CDK13: variants seen among roughly 807,000 people sequenced by gnomAD.
The protein encoded by CDK13 is cyclin dependent kinase 13, also known as cyclin-dependent kinase 13.
CDK13 carries 40 observed loss-of-function variants against 137.6 expected under a neutral mutation model. The ratio of observed to expected loss-of-function variants is 0.29; its 90% CI spans 0.23 to 0.38. The LOEUF (loss-of-function observed/expected upper bound fraction) is 0.38, where lower values mean the gene tolerates loss of function less well. CDK13 is among the 10% of genes least tolerant of loss of function. The pLI, the probability that CDK13 is intolerant of heterozygous loss-of-function variation, is 1.00. For missense variants in CDK13, 1,704 were observed against 1,951.8 expected, an observed-to-expected ratio of 0.87 and a Z score of 2.39; for synonymous variants, 869 against 760.1, an observed-to-expected ratio of 1.14 and a Z score of -2.36.
rs192657103 is a variant in CDK13, at chr7:40,093,461, T to A, written c.3688+224T>A. ...GAACTCATTGTGAATGATAAAGATATTTCTAAGGTAAACCTATGGTTAAGA... is the reference window on the plus strand; with the variant it reads ...GAACTCATTGTGAATGATAAAGATAATTCTAAGGTAAACCTATGGTTAAGA... On this transcript the variant is annotated intron_variant, in intron 13 of 13. Transcript: ENST00000181839. 3.8e-4 allele frequency among the ~76,000 whole-genome samples: 58 copies of A among 152,358 alleles called. 3 individuals are homozygous for A. In the East Asian group the frequency reaches 5.8e-3, roughly 15 times the overall value.
chr7:39,957,130 TG>T (rs1218396161), intron 1 of CDK13, among the ~76,000 whole-genome samples: 4 of 150,288 alleles, frequency 2.7e-5, no homozygotes, highest in Non-Finnish European at 5.9e-5. Flanking sequence ...TGTGTGTGTG[TG>T]TTTTGGTAGA....
chr7:40,045,176 TTGTG>T (rs1785707478), intron 5 of CDK13, among the ~76,000 whole-genome samples: 2 of 152,214 alleles, frequency 1.3e-5, no homozygotes, highest in East Asian at 1.9e-4. Context: ...CTCATTCAGT[TTGTG>T]TGTAAGTTTC....
intron 5 of CDK13, among the ~76,000 whole-genome samples, chr7:40,026,272 G>A (rs1478958110): frequency 6.6e-6 from 1 of 152,230 alleles, no homozygotes; most frequent in Non-Finnish European, 1.5e-5. Flanking sequence ...ACTTTGGGAG[G>A]CCAAGGCAGG....
chr7:39,991,511 G>C (rs1784454919), intron 2 of CDK13, among the ~76,000 whole-genome samples: 1 of 151,836 alleles, frequency 6.6e-6, no homozygotes, highest in East Asian at 1.9e-4. Context: ...GTGTGTGTGT[G>C]TGTGTGTGTG....
intron 5 of CDK13, among the ~76,000 whole-genome samples, chr7:40,009,781 A>G (rs1267136388): frequency 6.6e-5 from 10 of 152,204 alleles, no homozygotes; most frequent in Admixed American, 6.5e-4. Flanking sequence ...AACTGCCTCA[A>G]CCTGATAAAG....
chr7:39,984,997 A>G (rs1200482371), intron 1 of CDK13: 1 of 137,850 alleles, frequency 7.3e-6, no homozygotes, highest in Non-Finnish European at 1.5e-5. Context: ...GACTCTGACT[A>G]AAAACAAAAA....
chr7:40,003,196 A>ACTCT (rs1181645921), intron 5 of CDK13, among the ~76,000 whole-genome samples: 220 of 107,550 alleles, frequency 2.0e-3, no homozygotes, highest in African/African-American at 4.5e-3. Flanking sequence ...ACACACACAC[A>ACTCT]CACACACACA....
chr7:40,026,339 T>C (rs1231919259), intron 5 of CDK13, among the ~76,000 whole-genome samples: 1 of 151,978 alleles, frequency 6.6e-6, no homozygotes, highest in Non-Finnish European at 1.5e-5. Flanking sequence ...CTAGACCCTA[T>C]CTCTAAAACA....
intron 1 of CDK13, among the ~76,000 whole-genome samples, chr7:39,956,186 A>C (rs571497058): frequency 6.6e-6 from 1 of 152,348 alleles, no homozygotes; most frequent in East Asian, 1.9e-4. Flanking sequence ...GAATTCTTAA[A>C]ATGCTTTTAA....
intron 1 of CDK13, among the ~76,000 whole-genome samples, chr7:39,978,228 G>A (rs1239919142): frequency 2.0e-5 from 3 of 152,198 alleles, no homozygotes; most frequent in Non-Finnish European, 4.4e-5. Flanking sequence ...AACAGCCATA[G>A]AAGTAAGAAA....
At chr7:40,066,544 A>AGTT in intron 9 of CDK13, 3 of 152,226 alleles carry the variant, frequency 2.0e-5, no homozygotes, top group Non-Finnish European at 4.4e-5. Flanking sequence ...TATTATAATT[A>AGTT]CATAGTTTAA....
At chr7:40,012,493 A>G (rs1031097517) in intron 5 of CDK13, among the ~76,000 whole-genome samples, 6 of 152,152 alleles carry the variant, frequency 3.9e-5, no homozygotes, top group Non-Finnish European at 8.8e-5. Context: ...CCAGCTACTC[A>G]GGAGGCTGAG....
chr7:40,032,364 C>T (rs760701847), intron 5 of CDK13, among the ~76,000 whole-genome samples: 4 of 152,338 alleles, frequency 2.6e-5, no homozygotes, highest in Non-Finnish European at 5.9e-5. Flanking sequence ...AGCCACTGCA[C>T]CCTGCCAAAG....
At chr7:39,961,037 C>A in intron 1 of CDK13, among the ~76,000 whole-genome samples, 1 of 151,740 alleles carries the variant, frequency 6.6e-6, no homozygotes, top group East Asian at 1.9e-4. Flanking sequence ...TAACACAGCT[C>A]GAAACAGCCA....
intron 2 of CDK13, among the ~76,000 whole-genome samples, chr7:39,992,163 G>GTGTGTGT (rs1554325730): frequency 2.1e-5 from 3 of 146,310 alleles, no homozygotes; most frequent in African/African-American, 7.6e-5. Flanking sequence ...AACTAATGAG[G>GTGTGTGT]GTGTGTGTGT....
intron 2 of CDK13, among the ~76,000 whole-genome samples, chr7:39,988,610 T>C (rs977224673): frequency 2.6e-5 from 4 of 152,182 alleles, no homozygotes; most frequent in Non-Finnish European, 4.4e-5. Context: ...CTAGTTAATA[T>C]ACATCTCACA....
intron 5 of CDK13, among the ~76,000 whole-genome samples, chr7:40,035,337 A>G (rs1344374527): frequency 2.0e-5 from 3 of 152,250 alleles, no homozygotes; most frequent in South Asian, 2.1e-4. Context: ...CCCCCAGGCC[A>G]TGGACAGGTA....
chr7:39,962,101 G>A (rs971765595), intron 1 of CDK13, among the ~76,000 whole-genome samples: 2 of 152,202 alleles, frequency 1.3e-5, no homozygotes, highest in Non-Finnish European at 1.5e-5. Context: ...AAACATACAT[G>A]TGCATGTGTC....
chr7:39,953,812 G>C (rs1216533536), intron 1 of CDK13, among the ~76,000 whole-genome samples: 1 of 152,174 alleles, frequency 6.6e-6, no homozygotes, highest in Non-Finnish European at 1.5e-5. Flanking sequence ...TTTGGTATGT[G>C]CCTGAAATAC....
Sources: allele counts gnomAD v4.1 joint callset (sites outside exome capture counted in the v4.1 genomes callset), GRCh38; gene constraint gnomAD v4.1.1; transcripts MANE v1.5; gene names NCBI Gene and HGNC (gene_info 2026-07-23, HGNC 2026-07-21).